TSPAN5: variants seen among roughly 807,000 people sequenced by gnomAD.
TSPAN5 encodes the protein tetraspanin-5.
TSPAN5 carries 10 observed loss-of-function variants against 37.1 expected under a neutral mutation model. The observed-to-expected ratio is 0.27, with a 90% CI of 0.17 to 0.46. The LOEUF is 0.46. Ranked by LOEUF, TSPAN5 falls within the 20% of genes least tolerant of loss-of-function variation. The probability of loss-of-function intolerance (pLI) is 1.00; values close to 1 mark genes in which losing one functional copy is unlikely to be tolerated. For synonymous variants in TSPAN5, 110 were observed against 118.9 expected (o/e 0.93, Z 0.48); for missense variants, 195 against 326.6 (o/e 0.60, Z 3.11).
intron 1 of TSPAN5, among the ~76,000 whole-genome samples, chr4:98,560,769 G>A (rs1293332201): frequency 6.6e-6 from 1 of 152,208 alleles, no homozygotes; most frequent in Middle Eastern, 3.2e-3. Context: ...ATGTGTGACA[G>A]GGGCTCTAAA....
chr4:98,492,088 C>T (rs1055870135), intron 2 of TSPAN5, among the ~76,000 whole-genome samples: 1 of 152,126 alleles, frequency 6.6e-6, no homozygotes, highest in Non-Finnish European at 1.5e-5. Flanking sequence ...AGGATGCCTT[C>T]GCCCCTCCTT....
At chr4:98,648,774 A>G (rs1442980894) in intron 1 of TSPAN5, among the ~76,000 whole-genome samples, 2 of 152,244 alleles carry the variant, frequency 1.3e-5, no homozygotes, top group African/African-American at 4.8e-5. Context: ...GAGCAACGGG[A>G]AGGAGAGGCC....
chr4:98,476,145 G>T, intron 7 of TSPAN5, 44 bp downstream of exon 7: 1 of 1,469,576 alleles, frequency 6.8e-7, no homozygotes. Flanking sequence ...GGCTCTCCCA[G>T]GGCATTATTT....
chr4:98,509,195 G>T (rs1753549485), intron 1 of TSPAN5, among the ~76,000 whole-genome samples: 1 of 152,168 alleles, frequency 6.6e-6, no homozygotes, highest in South Asian at 2.1e-4. Context: ...CTAACATCTT[G>T]ATTAAGTTAA....
chr4:98,636,429 T>C (rs1756857811), intron 1 of TSPAN5, among the ~76,000 whole-genome samples: 1 of 152,192 alleles, frequency 6.6e-6, no homozygotes, highest in Admixed American at 6.5e-5. Flanking sequence ...GCTTTAATCT[T>C]TTCCAAATTA....
At chr4:98,545,891 C>G (rs1560531501) in intron 1 of TSPAN5, among the ~76,000 whole-genome samples, 1 of 152,038 alleles carries the variant, frequency 6.6e-6, no homozygotes, top group Non-Finnish European at 1.5e-5. Context: ...AAATGTAATC[C>G]AACTGGAGAT....
At chr4:98,486,183 TTCAC>T (rs1300837517) in intron 3 of TSPAN5, among the ~76,000 whole-genome samples, 2 of 152,168 alleles carry the variant, frequency 1.3e-5, no homozygotes, top group Non-Finnish European at 2.9e-5. Flanking sequence ...TCTACAAACA[TTCAC>T]TCAGACAGTG....
intron 1 of TSPAN5, among the ~76,000 whole-genome samples, chr4:98,598,569 A>G (rs1755810222): frequency 1.3e-5 from 2 of 152,050 alleles, no homozygotes; most frequent in Middle Eastern, 6.8e-3. Context: ...GGCTCAAGCA[A>G]TTCTCCCACC....
intron 7 of TSPAN5, among the ~76,000 whole-genome samples, 199 bp downstream of exon 7, chr4:98,475,989 CA>C (rs928927210): frequency 1.9e-4 from 28 of 149,834 alleles, no homozygotes; most frequent in African/African-American, 4.6e-4. Flanking sequence ...GACTCCATCT[CA>C]AAAAAAAATT....
At chr4:98,624,942 G>A (rs905169762) in intron 1 of TSPAN5, among the ~76,000 whole-genome samples, 2 of 152,230 alleles carry the variant, frequency 1.3e-5, no homozygotes, top group East Asian at 1.9e-4. Flanking sequence ...ATTAATGAAC[G>A]TATTTTTAGA....
intron 1 of TSPAN5, among the ~76,000 whole-genome samples, chr4:98,583,755 T>C (rs978273491): frequency 6.6e-6 from 1 of 152,230 alleles, no homozygotes; most frequent in African/African-American, 2.4e-5. Flanking sequence ...GAATAGCAAC[T>C]GGACCAAGCC....
At chr4:98,513,190 G>C (rs1191473708) in intron 1 of TSPAN5, among the ~76,000 whole-genome samples, 1 of 152,108 alleles carries the variant, frequency 6.6e-6, no homozygotes, top group Non-Finnish European at 1.5e-5. Flanking sequence ...GAGAATGGGG[G>C]AAGTGGGGAA....
chr4:98,623,336 A>T (rs913774295), intron 1 of TSPAN5, among the ~76,000 whole-genome samples: 1 of 152,256 alleles, frequency 6.6e-6, no homozygotes, highest in Non-Finnish European at 1.5e-5. Flanking sequence ...ATGCCACTTC[A>T]AAGTATCACT....
chr4:98,484,264 G>A (rs777451706), intron 3 of TSPAN5: 52 of 363,162 alleles, frequency 1.4e-4, no homozygotes, highest in South Asian at 6.6e-4. Flanking sequence ...CTAGAGCCTC[G>A]GTCAACCAAG....
chr4:98,622,122 C>T lies in TSPAN5; in HGVS notation c.81+36024G>A, dbSNP rs149058510. 4.0e-3 allele frequency among the ~76,000 whole-genome samples: 612 copies of T among 152,292 alleles called. 10 individuals carry two copies. The highest frequency in any genetic ancestry group is 0.014 in the African/African-American group (592 of 41,548). On this transcript the variant is annotated intron_variant, in intron 1 of 7. Transcript: ENST00000305798. Reference sequence around the variant, plus strand: ...TGAGACAGAGTCTCACTGTGTTGCCCAGGCTGGAATGCAGTGGCACGATCT... The same window carrying T: ...TGAGACAGAGTCTCACTGTGTTGCCTAGGCTGGAATGCAGTGGCACGATCT...
chr4:98,554,452 T>C (rs1053384081), intron 1 of TSPAN5, among the ~76,000 whole-genome samples: 14 of 152,212 alleles, frequency 9.2e-5, no homozygotes, highest in Non-Finnish European at 5.9e-5. Context: ...TCATTTCACA[T>C]TACAAATCCA....
At chr4:98,515,695 CAGG>C (rs1387704436) in intron 1 of TSPAN5, among the ~76,000 whole-genome samples, 1 of 152,130 alleles carries the variant, frequency 6.6e-6, no homozygotes, top group Non-Finnish European at 1.5e-5. Flanking sequence ...CATGTGCTCA[CAGG>C]AAGTGGCAGC....
chr4:98,499,473 A>T lies in TSPAN5; in HGVS notation c.132+8205T>A, dbSNP rs115101158. 8.4e-3 allele frequency among the ~76,000 whole-genome samples: 1,282 copies of T among 152,324 alleles called. 19 individuals are homozygous for T. The highest frequency in any genetic ancestry group is 0.03 in the African/African-American group (1,231 of 41,570). On this transcript the variant is annotated intron_variant, in intron 2 of 7. Transcript: ENST00000305798. Reference sequence around the variant, plus strand: ...TGAGAGTGAACAACAAAGTCATTGAATTTTTGACCCAACTAAATTTTCATC... The same window carrying T: ...TGAGAGTGAACAACAAAGTCATTGATTTTTTGACCCAACTAAATTTTCATC...
chr4:98,520,570 C>T (rs562328499), intron 1 of TSPAN5, among the ~76,000 whole-genome samples: 4 of 152,298 alleles, frequency 2.6e-5, no homozygotes, highest in African/African-American at 9.6e-5. Context: ...CAGGAGCCCC[C>T]AGGTGTAGTG....
Sources: gnomAD v4.1 joint callset for allele counts (sites outside exome capture counted in the v4.1 genomes callset) on GRCh38, gnomAD v4.1.1 for gene constraint, MANE v1.5 for transcripts, NCBI Gene and HGNC (gene_info 2026-07-23, HGNC 2026-07-21) for gene names.